ALDH1A3: variants seen among roughly 807,000 people sequenced by gnomAD.
ALDH1A3 encodes the protein retinaldehyde dehydrogenase 3.
A neutral mutation model predicts 57.5 loss-of-function variants in ALDH1A3; 28 were observed. That is an observed-to-expected ratio of 0.49 (90% CI 0.36 to 0.67). The LOEUF is 0.67. Among genes scored for constraint, ALDH1A3 ranks in the 30% least tolerant of loss-of-function variants. The pLI is 0.00. For missense variants in ALDH1A3, 507 were observed against 669.4 expected, an observed-to-expected ratio of 0.76 and a Z score of 2.68; for synonymous variants, 281 against 264.8, an observed-to-expected ratio of 1.06 and a Z score of -0.59.
intron 1 of ALDH1A3, among the ~76,000 whole-genome samples, chr15:100,883,774 GTAT>G (rs1238105633): frequency 6.6e-6 from 1 of 152,074 alleles, no homozygotes; most frequent in African/African-American, 2.4e-5. Flanking sequence ...CATCACCCAG[GTAT>G]TAAGCCGGAG....
chr15:100,885,854 C>A (rs1306339604), intron 2 of ALDH1A3, among the ~76,000 whole-genome samples: 1 of 152,188 alleles, frequency 6.6e-6, no homozygotes, highest in Non-Finnish European at 1.5e-5. Flanking sequence ...CACCAGATTT[C>A]TTTTCTCCTA....
At chr15:100,905,708 G>A (rs1366159919) in intron 10 of ALDH1A3, 21 bp downstream of exon 10, 2 of 1,521,912 alleles carry the variant, frequency 1.3e-6, no homozygotes, top group South Asian at 1.3e-5. Flanking sequence ...GCTGTGGCAA[G>A]GCTACGACTT....
chr15:100,896,175 C>T, intron 7 of ALDH1A3, 129 bp downstream of exon 7: 3 of 718,222 alleles, frequency 4.2e-6, no homozygotes, highest in South Asian at 2.0e-5. Flanking sequence ...TAGTACATAA[C>T]AACCAGTTAA....
Position 100,907,116 on chromosome 15 carries a change from C to G in ALDH1A3, c.1234-5C>G, listed in dbSNP as rs781732856. 24 of 1,611,528 alleles carry G rather than the reference C, an allele frequency of 1.5e-5. No individual in the cohort carries two copies. The highest frequency in any genetic ancestry group is 1.8e-5 in the Non-Finnish European group (21 of 1,178,492). On this transcript the variant is annotated splice_polypyrimidine_tract_variant and splice_region_variant and intron_variant, in intron 10 of 12. Transcript: ENST00000329841. ...TCTCATTGCCATTCTTGCAATTAAT[C>G]ATAGATTTTCGGGCCAGTGCAACCA... is the stretch of plus-strand genomic sequence containing the variant.
intron 1 of ALDH1A3, among the ~76,000 whole-genome samples, chr15:100,883,783 C>T (rs971665843): frequency 1.4e-4 from 22 of 151,972 alleles, no homozygotes; most frequent in Non-Finnish European, 3.1e-4. Flanking sequence ...GGTATTAAGC[C>T]GGAGCTGTGG....
chr15:100,898,464 TAA>T (rs2141561482), intron 8 of ALDH1A3, among the ~76,000 whole-genome samples: 1 of 152,338 alleles, frequency 6.6e-6, no homozygotes, highest in African/African-American at 2.4e-5. Flanking sequence ...GCCTTAGCGT[TAA>T]GTTTACCTGC....
chr15:100,898,149 G>A lies in ALDH1A3; in HGVS notation c.847G>A (p.Gly283Arg), dbSNP rs749291480. ...GAAGCGGGTGACGCTGGAGCTGGGG[G>A]GGAAGAACCCCTGCATCGTGTGTGC... ...NLKRVTLELG[G>R]KNPCIVCADA... The change falls in exon 8 of 13, where the codon GGG (glycine) becomes AGG (arginine). Residue 283 changes from glycine (G) to arginine (R), a missense_variant. This residue lies in a region of ALDH1A3 where 432 missense variants were observed against 608.4 expected (regional missense o/e 0.71). Transcript: ENST00000329841. The A allele has an allele frequency of 6.2e-7, 1 of 1,614,158 alleles. No homozygotes were observed. Among genetic ancestry groups the A allele is most frequent in the South Asian group, 1.1e-5 (1 of 91,062 alleles).
chr15:100,915,117 G>C lies in ALDH1A3; in HGVS notation c.*344G>C. ...GTCCAGCAGTTGCTTGAAATGCTTTGCCGAATCTGACTCCAGTAAGAATGT... is the reference window on the plus strand; with the variant it reads ...GTCCAGCAGTTGCTTGAAATGCTTTCCCGAATCTGACTCCAGTAAGAATGT... On this transcript the variant is annotated 3_prime_UTR_variant, in exon 13 of 13. Transcript: ENST00000329841. The C allele has an allele frequency of 4.1e-6, 1 of 243,270 alleles. No individual in the cohort carries two copies. The highest frequency in any genetic ancestry group is 8.2e-6 in the Non-Finnish European group (1 of 121,582). 15.1% of individuals were successfully genotyped at this position (243,270 alleles called of 1,614,324 possible).
At chr15:100,895,799 G>C in intron 6 of ALDH1A3, 134 bp from the exon 7 acceptor site, 1 of 734,288 alleles carries the variant, frequency 1.4e-6, no homozygotes, top group East Asian at 2.7e-5. Context: ...AACTGCTTCT[G>C]GGTCCTGGGT....
At chr15:100,900,365 T>C (rs1271727594) in intron 8 of ALDH1A3, among the ~76,000 whole-genome samples, 2 of 152,192 alleles carry the variant, frequency 1.3e-5, no homozygotes, top group Admixed American at 1.3e-4. Flanking sequence ...AGGGAATTGA[T>C]TTAACCCCAA....
intron 2 of ALDH1A3, among the ~76,000 whole-genome samples, chr15:100,885,630 G>A (rs886312844): frequency 1.3e-5 from 2 of 151,102 alleles, no homozygotes; most frequent in Non-Finnish European, 2.9e-5. Context: ...CTCATCATAT[G>A]GCTAAAGGAA....
intron 1 of ALDH1A3, chr15:100,880,461 C>G (rs370896024): frequency 8.6e-6 from 3 of 350,600 alleles, no homozygotes; most frequent in East Asian, 4.3e-5. Flanking sequence ...AGAGAGAGTC[C>G]GGGAGGCAGA....
intron 8 of ALDH1A3, 46 bp from the exon 9 acceptor site, chr15:100,900,529 T>G: frequency 6.6e-7 from 1 of 1,526,636 alleles, no homozygotes. Flanking sequence ...AACAACTTAA[T>G]CGCTTCCTCT....
chr15:100,885,219 T>C (rs756264233), intron 1 of ALDH1A3, 48 bp from the exon 2 acceptor site: 1 of 1,347,800 alleles, frequency 7.4e-7, no homozygotes, highest in East Asian at 2.3e-5. Flanking sequence ...GTTGAAATTA[T>C]ATGATTTTGA....
In ALDH1A3 at chr15:100,887,700, C is replaced by A; in HGVS notation, c.333C>A (p.Arg111=). ...HQLADLVERD[R]ATLAALETMD... ...TGGCTGACCTGGTGGAGAGGGACCGCGCCACCTTGGCCGTGAGTACATGCA... is the reference window on the plus strand; with the variant it reads ...TGGCTGACCTGGTGGAGAGGGACCGAGCCACCTTGGCCGTGAGTACATGCA... The change falls in exon 3 of 13, where the codon CGC becomes CGA. Residue 111 remains arginine, a synonymous_variant. Coordinates refer to ENST00000329841, the MANE Select transcript of ALDH1A3 (RefSeq NM_000693.4). The surrounding 1 kb of genome is among the most constrained non-coding windows in gnomAD (Gnocchi z 4.6). The A allele has an allele frequency of 6.2e-7, 1 of 1,603,638 alleles. No homozygotes were observed. Among genetic ancestry groups the A allele is most frequent in the Non-Finnish European group, 8.5e-7 (1 of 1,174,288 alleles).
At chr15:100,899,618 G>A (rs2041745832) in intron 8 of ALDH1A3, among the ~76,000 whole-genome samples, 1 of 150,016 alleles carries the variant, frequency 6.7e-6, no homozygotes, top group African/African-American at 2.5e-5. Context: ...TCCGTCAGGA[G>A]CAGGAAATGA....
At chr15:100,880,564 G>A in intron 1 of ALDH1A3, 1 of 213,844 alleles carries the variant, frequency 4.7e-6, no homozygotes. Flanking sequence ...CGGCTCAGCA[G>A]CAGAACGAGG....
At chr15:100,880,206 C>G (rs1196177379) in intron 1 of ALDH1A3, 200 bp downstream of exon 1, 1 of 403,472 alleles carries the variant, frequency 2.5e-6, no homozygotes, top group East Asian at 3.6e-5. Flanking sequence ...CGGCGGGGCT[C>G]GGCGCTGTGA....
Position 100,893,663 on chromosome 15 carries a change from C to A in ALDH1A3, c.538-291C>A. ...ACATGAAGTGAGGGTTCAAAAAGTGCCCATGGAGGCAGGGAGGAGGACACG... is the reference window on the plus strand; with the variant it reads ...ACATGAAGTGAGGGTTCAAAAAGTGACCATGGAGGCAGGGAGGAGGACACG... On this transcript the variant is annotated intron_variant, in intron 5 of 12. Transcript: ENST00000329841. The surrounding 1 kb of genome is among the most constrained non-coding windows in gnomAD (Gnocchi z 4.8). 1 of 287,500 alleles carries A rather than the reference C, an allele frequency of 3.5e-6. No individual in the cohort carries two copies. The highest frequency in any genetic ancestry group is 6.4e-5 in the East Asian group (1 of 15,724). 17.8% of individuals were successfully genotyped at this position (287,500 alleles called of 1,614,324 possible).
Sources: gnomAD v4.1 joint callset for allele counts (sites outside exome capture counted in the v4.1 genomes callset) on GRCh38, gnomAD v4.1.1 for gene constraint, gnomAD v4.1.1 regional missense constraint, Gnocchi (gnomAD v3.1) non-coding constraint, MANE v1.5 for transcripts, NCBI Gene and HGNC (gene_info 2026-07-23, HGNC 2026-07-21) for gene names.